Variants in C2 observed in about 807,000 individuals in gnomAD.
C2 encodes the protein C3/C5 convertase.
Under a neutral mutation model 85.2 loss-of-function variants are expected in C2, and 64 were observed. The observed-to-expected ratio is 0.75, with a 90% CI of 0.61 to 0.92. C2 has a LOEUF of 0.92. Among genes scored for constraint, C2 ranks in the 40% least tolerant of loss-of-function variants. The pLI is 0.00. For synonymous variants in C2, 311 were observed against 370.8 expected (o/e 0.84, Z 1.85); for missense variants, 820 against 971.6 (o/e 0.84, Z 2.07).
intron 3 of C2, among the ~76,000 whole-genome samples, chr6:31,932,987 G>A (rs1227173716): frequency 1.3e-5 from 2 of 152,334 alleles, no homozygotes; most frequent in South Asian, 2.1e-4. Context: ...GTGGCGGCGC[G>A]CGCCTGCAAT....
upstream of C2, among the ~76,000 whole-genome samples, chr6:31,925,959 G>T (rs1386814161): frequency 6.6e-6 from 1 of 152,094 alleles, no homozygotes. Context: ...CCAGCATGTT[G>T]CCCTCATCCT....
At chr6:31,909,438 T>C (rs1340018559) in intron 1 of C2, among the ~76,000 whole-genome samples, 5 of 151,782 alleles carry the variant, frequency 3.3e-5, no homozygotes, top group African/African-American at 1.2e-4. Flanking sequence ...ACTACAGGTA[T>C]GCACCACCAT....
intron 6 of C2, 83 bp downstream of exon 6, chr6:31,934,382 C>T (rs1409151640): frequency 1.3e-6 from 2 of 1,561,272 alleles, no homozygotes; most frequent in South Asian, 2.2e-5. Context: ...CTCAGAACCC[C>T]ACTCACAGCC....
chr6:31,927,609 G>A (rs1021754782), upstream of C2: 2 of 1,586,896 alleles, frequency 1.3e-6, no homozygotes, highest in South Asian at 2.3e-5. The surrounding 1 kb of genome is among the most constrained non-coding windows in gnomAD (Gnocchi z 4.7). Flanking sequence ...TTCCCTAACA[G>A]AAGACCATCC....
rs897357913 is a variant in C2, at chr6:31,921,790, C to T, written c.-100+1764C>T. Among the ~76,000 whole-genome samples the T allele has an allele frequency of 6.6e-6, 1 of 152,156 alleles. No homozygotes were observed. The highest frequency in any genetic ancestry group is 1.5e-5 in the Non-Finnish European group (1 of 68,034). On this transcript the variant is annotated intron_variant, in intron 1 of 3. Coordinates refer to the C2 transcript ENST00000413154. The surrounding 1 kb of genome is among the most constrained non-coding windows in gnomAD (Gnocchi z 4.6). ...TAAAAATACTGTCTGGCACTATGTC[C>T]TGCTAATATGAAGTCTTCCTCCCCC... is the stretch of plus-strand genomic sequence containing the variant.
At chr6:31,932,218 G>A (rs1292588069) in intron 3 of C2, 2 of 138,596 alleles carry the variant, frequency 1.4e-5, no homozygotes, top group African/African-American at 2.9e-5. Context: ...CTCACTTCCC[G>A]GACGGGGCGG....
intron 1 of C2, among the ~76,000 whole-genome samples, chr6:31,912,380 C>T (rs1311886642): frequency 1.3e-5 from 2 of 152,168 alleles, no homozygotes; most frequent in Non-Finnish European, 2.9e-5. Context: ...ACTGCTTTTC[C>T]CTGGTTTCCA....
Position 31,944,569 on chromosome 6 carries a change from C to T in C2, c.1903-158C>T, listed in dbSNP as rs1189791881. On this transcript the variant is annotated intron_variant, in intron 15 of 17. Coordinates refer to ENST00000299367, the MANE Select transcript of C2 (RefSeq NM_000063.6). This position sits in a 1 kb window ranked among gnomAD's most constrained non-coding sequence, Gnocchi z 5.1. ...CTAATTTTTGTATTTTTAGTAGAGA[C>T]GGGATTTCGCCATGTTGGCCAGGAT... Among the ~76,000 whole-genome samples the T allele has an allele frequency of 6.6e-6, 1 of 152,120 alleles. No individual in the cohort carries two copies. The highest frequency in any genetic ancestry group is 1.5e-5 in the Non-Finnish European group (1 of 68,010).
At position 31,943,734 on chromosome 6, in the gene C2, G is replaced by GAATC; in HGVS notation, c.1659_1662dup (p.Leu555AsnfsTer7). On this transcript the variant is annotated frameshift_variant, in exon 13 of 18. Transcript: ENST00000299367. LOFTEE classifies it high-confidence loss of function. This position sits in a 1 kb window ranked among gnomAD's most constrained non-coding sequence, Gnocchi z 6.4. ...GATGTCTTTGCCAAAAAGAACCAGG[G>GAATC]AATCCTGGAGTTCTATGGTGATGAC... The GAATC allele has an allele frequency of 6.2e-7, 1 of 1,613,056 alleles. No individual in the cohort carries two copies. The highest frequency in any genetic ancestry group is 8.5e-7 in the Non-Finnish European group (1 of 1,180,008).
chr6:31,925,320 T>A (rs1263981028), upstream of C2, among the ~76,000 whole-genome samples: 1 of 151,768 alleles, frequency 6.6e-6, no homozygotes, highest in Non-Finnish European at 1.5e-5. Flanking sequence ...TGAGACAGAG[T>A]CTCCCTATGT....
chr6:31,923,667 T>A (rs1355820549), upstream of C2, among the ~76,000 whole-genome samples: 3 of 143,704 alleles, frequency 2.1e-5, no homozygotes, highest in South Asian at 4.4e-4. Context: ...TTTTTTGTAG[T>A]TTTAGTAGAG....
In C2 at chr6:31,928,860, C is replaced by T. The variant is rs994529528; in HGVS notation, c.385C>T (p.Arg129Cys). 4 of 1,614,156 alleles carry T rather than the reference C, an allele frequency of 2.5e-6. No homozygotes were observed. Among genetic ancestry groups the T allele is most frequent in the Middle Eastern group, 1.7e-4 (1 of 6,060 alleles). ...DGFILRGSPV[R>C]QCRPNGMWDG... ...CTTCATATTGCGGGGCTCGCCTGTG[C>T]GTCAGTGTCGCCCCAACGGCATGTG... The change falls in exon 3 of 18, where the codon CGT becomes TGT. Residue 129 changes from arginine (R) to cysteine (C), a missense_variant. Physicochemically the swap from Arg to Cys is radical, Grantham distance 180. Coordinates refer to ENST00000299367, the MANE Select transcript of C2 (RefSeq NM_000063.6).
At chr6:31,902,149 C>T (rs1474797493) in intron 1 of C2, among the ~76,000 whole-genome samples, 37 of 146,306 alleles carry the variant, frequency 2.5e-4, no homozygotes, top group Non-Finnish European at 4.5e-4. Context: ...ACCAGCACCC[C>T]CACGCGGTTA....
At chr6:31,933,038 G>A (rs1032448802) in intron 3 of C2, among the ~76,000 whole-genome samples, 7 of 152,348 alleles carry the variant, frequency 4.6e-5, no homozygotes, top group Non-Finnish European at 1.0e-4. Context: ...ATCAGGCAGG[G>A]AGGTTGCAGT....
upstream of C2, among the ~76,000 whole-genome samples, chr6:31,923,395 G>T (rs1372427398): frequency 6.6e-6 from 1 of 152,228 alleles, no homozygotes; most frequent in Non-Finnish European, 1.5e-5. Context: ...GAAGCTGGAG[G>T]CCTGAAGGAG....
chr6:31,928,972 T>TGCATCCAGGGTTCCCTGCATCCTG, intron 3 of C2, 55 bp downstream of exon 3: 2 of 1,496,914 alleles, frequency 1.3e-6, no homozygotes, highest in Non-Finnish European at 1.8e-6. Flanking sequence ...TGGGGAACCC[T>TGCATCCAGGGTTCCCTGCATCCTG]GGGGCCCAAT....
rs569177006 is a variant in C2, at chr6:31,909,313, T to A, written c.73+8174T>A. On this transcript the variant is annotated intron_variant, in intron 1 of 3. Coordinates refer to the C2 transcript ENST00000452202. ...TTTTTAACGTATTATTATTATTATT[T>A]TTTTTTAGACAGGATCTCTGTTGAC... Among the ~76,000 whole-genome samples, 144 of 152,078 alleles carry A rather than the reference T, an allele frequency of 9.5e-4. 1 individual carries two copies. The highest frequency in any genetic ancestry group is 6.8e-3 in the Middle Eastern group (2 of 294).
chr6:31,928,768 G>A lies in C2; in HGVS notation c.293G>A (p.Gly98Asp). Residue 98 changes from glycine to aspartate, a missense_variant, in exon 3 of 18, where the codon GGC (glycine) becomes GAC (aspartate). Transcript: ENST00000299367. ...RCPAPVSFEN[G>D]IYTPRLGSYP... The stretch of plus-strand genomic sequence containing the variant: ...CCAGCCCCTGTCTCCTTTGAGAATG[G>A]CATTTATACCCCACGGCTGGGGTCC... 1 of 1,614,206 alleles carries A rather than the reference G, an allele frequency of 6.2e-7. No individual in the cohort carries two copies. The highest frequency in any genetic ancestry group is 1.1e-5 in the South Asian group (1 of 91,082).
chr6:31,939,682 G>A (rs796509712), intron 9 of C2, among the ~76,000 whole-genome samples: 8 of 151,980 alleles, frequency 5.3e-5, no homozygotes, highest in African/African-American at 1.7e-4. Flanking sequence ...CAAATTCCTG[G>A]TTTCAAGTGA....
Sources: gnomAD v4.1 joint callset for allele counts (sites outside exome capture counted in the v4.1 genomes callset) on GRCh38, gnomAD v4.1.1 for gene constraint, Gnocchi (gnomAD v3.1) non-coding constraint, MANE v1.5 for transcripts, NCBI Gene and HGNC (gene_info 2026-07-23, HGNC 2026-07-21) for gene names.